FRAS1: variants seen among roughly 807,000 people sequenced by gnomAD.
FRAS1 encodes extracellular matrix organizing protein FRAS1.
A neutral mutation model predicts 435.2 loss-of-function variants in FRAS1; 290 were observed. That is an observed-to-expected ratio of 0.67 (90% CI 0.61 to 0.73). The LOEUF is 0.73. Ranked by LOEUF, FRAS1 falls within the 30% of genes least tolerant of loss-of-function variation. The pLI is 0.00. For synonymous variants in FRAS1, 1,800 were observed against 1,851.0 expected, an observed-to-expected ratio of 0.97 and a Z score of 0.71; for missense variants, 4,860 against 5,001.5, an observed-to-expected ratio of 0.97 and a Z score of 0.85.
At chr4:78,262,219 C>T (rs564102947) in intron 6 of FRAS1, among the ~76,000 whole-genome samples, 1 of 152,286 alleles carries the variant, frequency 6.6e-6, no homozygotes, top group East Asian at 1.9e-4. Flanking sequence ...AGGCTCTTTC[C>T]ATGTCTCTCT....
intron 2 of FRAS1, among the ~76,000 whole-genome samples, chr4:78,131,767 G>A (rs1266738351): frequency 6.6e-6 from 1 of 152,202 alleles, no homozygotes; most frequent in South Asian, 2.1e-4. Flanking sequence ...GTGACTGGTA[G>A]CATACAATCA....
At chr4:78,430,168 G>C in intron 36 of FRAS1, 124 bp from the exon 37 acceptor site, 1 of 1,135,714 alleles carries the variant, frequency 8.8e-7, no homozygotes, top group Non-Finnish European at 1.3e-6. Flanking sequence ...ATGAAGCAGT[G>C]CTTTCTGATA....
At chr4:78,266,979 G>A (rs1351432062) in intron 8 of FRAS1, 44 bp downstream of exon 8, 1 of 1,346,546 alleles carries the variant, frequency 7.4e-7, no homozygotes, top group Non-Finnish European at 1.0e-6. Context: ...TCTTTTCTGG[G>A]TCATTTAAGG....
rs780638684 is a variant in FRAS1, at chr4:78,439,038, G to T, written c.5503G>T (p.Val1835Phe). 8 of 1,613,370 alleles carry T rather than the reference G, an allele frequency of 5.0e-6. No individual in the cohort carries two copies. The highest frequency in any genetic ancestry group is 6.8e-6 in the Non-Finnish European group (8 of 1,179,726). Residue 1835 changes from valine to phenylalanine, a missense_variant, in exon 40 of 74, where the codon GTC becomes TTC. Val to Phe is a conservative substitution (Grantham distance 50). Coordinates refer to ENST00000512123, the MANE Select transcript of FRAS1 (RefSeq NM_025074.7). ...CACTCCTGCTGAAAATCCACCTCCA[G>T]TCATTGCTTTTGCTGACCTTATCAC... ...MITPAENPPP[V>F]IAFADLITVD...
At chr4:78,113,395 A>G (rs1007295102) in intron 2 of FRAS1, among the ~76,000 whole-genome samples, 10 of 152,198 alleles carry the variant, frequency 6.6e-5, no homozygotes, top group African/African-American at 2.4e-4. Flanking sequence ...TCCCTGAGGA[A>G]TCGTCACACT....
intron 2 of FRAS1, among the ~76,000 whole-genome samples, chr4:78,152,607 C>CTTTTTTT (rs71214398): frequency 2.9e-4 from 21 of 72,428 alleles, no homozygotes; most frequent in East Asian, 5.6e-4. Flanking sequence ...ATGTAGGCTG[C>CTTTTTTT]TTTTTTTTTT....
At chr4:78,300,857 C>T (rs1728357386) in intron 14 of FRAS1, among the ~76,000 whole-genome samples, 1 of 152,104 alleles carries the variant, frequency 6.6e-6, no homozygotes, top group African/African-American at 2.4e-5. Context: ...TCTAGAGCTG[C>T]TCGTGATGGT....
Position 78,466,188 on chromosome 4 carries a change from G to A in FRAS1, c.7030-20G>A. On this transcript the variant is annotated intron_variant, in intron 49 of 73. Transcript: ENST00000512123. ...CTGTTATGAGCTTCCCTCCCCTCTGGTATTTTGCCTTCCGGACAGGCCGAG... is the reference window on the plus strand; with the variant it reads ...CTGTTATGAGCTTCCCTCCCCTCTGATATTTTGCCTTCCGGACAGGCCGAG... 2 of 1,608,656 alleles carry A rather than the reference G, an allele frequency of 1.2e-6. No individual in the cohort carries two copies. The highest frequency in any genetic ancestry group is 1.7e-6 in the Non-Finnish European group (2 of 1,175,490).
At position 78,448,333 on chromosome 4, in the gene FRAS1, G is replaced by A. The variant is rs1330670288; in HGVS notation, c.6274+17G>A. The A allele has an allele frequency of 6.3e-7, 1 of 1,581,096 alleles. No individual in the cohort carries two copies. Among genetic ancestry groups the A allele is most frequent in the South Asian group, 1.2e-5 (1 of 86,120 alleles). On this transcript the variant is annotated intron_variant, in intron 44 of 73. Coordinates refer to ENST00000512123, the MANE Select transcript of FRAS1 (RefSeq NM_025074.7). Reference sequence around the variant, plus strand: ...TCTCAGCAGGTACCACAGAAATAAAGGAGAGTGGCCATGGTTTTTCTATCC... The same window carrying A: ...TCTCAGCAGGTACCACAGAAATAAAAGAGAGTGGCCATGGTTTTTCTATCC...
At chr4:78,345,483 T>G (rs1270447692) in intron 20 of FRAS1, among the ~76,000 whole-genome samples, 6 of 152,196 alleles carry the variant, frequency 3.9e-5, no homozygotes, top group Non-Finnish European at 7.3e-5. Flanking sequence ...ATCTCCTCTT[T>G]TTCAACTTCC....
chr4:78,094,344 T>G (rs1045045394), intron 2 of FRAS1, among the ~76,000 whole-genome samples: 4 of 152,066 alleles, frequency 2.6e-5, no homozygotes, highest in Admixed American at 6.6e-5. Context: ...AGCTTTCCCC[T>G]GAGGCAAACT....
At chr4:78,472,358 G>C (rs780477535) in intron 52 of FRAS1, 28 bp downstream of exon 52, 1 of 1,558,784 alleles carries the variant, frequency 6.4e-7, no homozygotes. Context: ...ACTTAGAAAT[G>C]GGAGAAATCT....
At chr4:78,337,222 A>C (rs1730204198) in intron 19 of FRAS1, among the ~76,000 whole-genome samples, 1 of 152,172 alleles carries the variant, frequency 6.6e-6, no homozygotes, top group Non-Finnish European at 1.5e-5. Flanking sequence ...GTTGCAGTAT[A>C]GTTTGCTGTG....
chr4:78,236,054 C>A (rs1237425720), intron 2 of FRAS1, among the ~76,000 whole-genome samples: 1 of 152,202 alleles, frequency 6.6e-6, no homozygotes, highest in African/African-American at 2.4e-5. Context: ...AGGAATGATT[C>A]ATCTCTGAGG....
chr4:78,150,073 A>G (rs1213821526), intron 2 of FRAS1, among the ~76,000 whole-genome samples: 2 of 152,204 alleles, frequency 1.3e-5, no homozygotes, highest in East Asian at 3.9e-4. Context: ...TTCAAGGTCA[A>G]TAATGCTGCT....
intron 20 of FRAS1, among the ~76,000 whole-genome samples, chr4:78,354,023 T>TAAAAA (rs767987937): frequency 3.8e-5 from 4 of 106,054 alleles, no homozygotes; most frequent in Non-Finnish European, 6.5e-5. Flanking sequence ...AAAAATAAAA[T>TAAAAA]AAAAAAAAAA....
intron 71 of FRAS1, among the ~76,000 whole-genome samples, chr4:78,535,103 A>G (rs1280181642): frequency 4.6e-5 from 7 of 152,122 alleles, no homozygotes; most frequent in African/African-American, 1.7e-4. Context: ...GTATTCTGGC[A>G]CTTTTTTCCT....
At chr4:78,111,677 C>T (rs1478255879) in intron 2 of FRAS1, among the ~76,000 whole-genome samples, 1 of 119,360 alleles carries the variant, frequency 8.4e-6, no homozygotes, top group Non-Finnish European at 1.7e-5. Context: ...GGGTGCAGCG[C>T]ACCAGCATGG....
intron 14 of FRAS1, among the ~76,000 whole-genome samples, chr4:78,293,896 T>C (rs1053379126): frequency 2.0e-5 from 3 of 152,160 alleles, no homozygotes; most frequent in African/African-American, 7.2e-5. Context: ...AGAAGACAAA[T>C]GACAGAACAA....
Sources: allele counts gnomAD v4.1 joint callset (sites outside exome capture counted in the v4.1 genomes callset), GRCh38; gene constraint gnomAD v4.1.1; transcripts MANE v1.5; gene names NCBI Gene and HGNC (gene_info 2026-07-23, HGNC 2026-07-21).